GLYR1: variants seen among roughly 807,000 people sequenced by gnomAD.
GLYR1 encodes glyoxylate reductase 1 homolog, also known as cytokine-like nuclear factor N-PAC.
In GLYR1, 21 loss-of-function variants were observed where a neutral mutation model predicts 72.7. That is an observed-to-expected ratio of 0.29 (90% CI 0.20 to 0.42). GLYR1 has a LOEUF of 0.42. GLYR1 is among the 10% of genes least tolerant of loss of function. The pLI, the probability that GLYR1 is intolerant of heterozygous loss-of-function variation, is 1.00. For missense variants in GLYR1, 594 were observed against 712.1 expected, an observed-to-expected ratio of 0.83 and a Z score of 1.89; for synonymous variants, 392 against 270.2, an observed-to-expected ratio of 1.45 and a Z score of -4.42.
At chr16:4,805,355 T>C in intron 15 of GLYR1, 45 bp from the exon 16 acceptor site, 1 of 1,532,108 alleles carries the variant, frequency 6.5e-7, no homozygotes, top group African/African-American at 1.4e-5. Flanking sequence ...CAGAGCTGCC[T>C]TCAAGACCTA....
intron 10 of GLYR1, among the ~76,000 whole-genome samples, chr16:4,817,220 T>C (rs373061180): frequency 1.3e-5 from 2 of 151,394 alleles, no homozygotes; most frequent in Non-Finnish European, 2.9e-5. Context: ...CCCGGGTTCA[T>C]GCCATTCTCC....
intron 6 of GLYR1, among the ~76,000 whole-genome samples, chr16:4,823,257 T>A (rs1057443330): frequency 2.0e-5 from 3 of 152,248 alleles, no homozygotes; most frequent in Non-Finnish European, 2.9e-5. Context: ...GCACAGCAGA[T>A]AACCCAGCAA....
chr16:4,819,214 T>C (rs892574535), intron 9 of GLYR1, among the ~76,000 whole-genome samples: 4 of 152,220 alleles, frequency 2.6e-5, no homozygotes, highest in African/African-American at 9.6e-5. Context: ...GGTCTTGCTA[T>C]GTTGGCTAGG....
chr16:4,804,970 T>TGTGTGTGTGTGTGA lies in GLYR1; in HGVS notation c.*265_*266insTCACACACACACAC. Reference sequence around the variant, plus strand: ...GTGTGTGTGTGTGTGTGTGTGTGTGTGAACACACAGCCACCTCGTCCGGGG... The same window carrying TGTGTGTGTGTGTGA: ...GTGTGTGTGTGTGTGTGTGTGTGTGTGTGTGTGTGTGTGAGAACACACAGCCACCTCGTCCGGGG... On this transcript the variant is annotated 3_prime_UTR_variant, in exon 16 of 16. Coordinates refer to ENST00000321919, the MANE Select transcript of GLYR1 (RefSeq NM_032569.4). 2 of 526,300 alleles carry TGTGTGTGTGTGTGA rather than the reference T, an allele frequency of 3.8e-6. No homozygotes were observed. Among genetic ancestry groups the TGTGTGTGTGTGTGA allele is most frequent in the South Asian group, 2.1e-5 (1 of 48,334 alleles). The allele number at this position is 526,300 out of a possible 1,614,324, so 32.6% of individuals were successfully genotyped here.
intron 3 of GLYR1, among the ~76,000 whole-genome samples, chr16:4,844,873 G>C (rs1464305693): frequency 6.6e-6 from 1 of 152,188 alleles, no homozygotes; most frequent in African/African-American, 2.4e-5. Flanking sequence ...GCCTGACTTA[G>C]TTATAGACCT....
At position 4,835,269 on chromosome 16, in the gene GLYR1, G is replaced by T. The variant is rs569236456; in HGVS notation, c.156-2357C>A. On this transcript the variant is annotated intron_variant, in intron 3 of 15. Transcript: ENST00000321919. ...GGAACAGAAAGGTGAGGATGTCTGT[G>T]AAGTGCCAAGGAATCAACCCCATTT... 2.0e-5 allele frequency among the ~76,000 whole-genome samples: 3 copies of T among 152,254 alleles called. No homozygotes were observed. In the East Asian group the frequency reaches 5.8e-4, roughly 29 times the overall value.
At chr16:4,807,722 A>C (rs2083074668) in intron 15 of GLYR1, among the ~76,000 whole-genome samples, 1 of 152,186 alleles carries the variant, frequency 6.6e-6, no homozygotes, top group Admixed American at 6.5e-5. Flanking sequence ...CTTCAAAGAG[A>C]AGCTTTCCCA....
At chr16:4,832,595 T>C (rs2084870047) in intron 4 of GLYR1, 179 bp downstream of exon 4, 1 of 739,976 alleles carries the variant, frequency 1.4e-6, no homozygotes, top group South Asian at 2.2e-5. Flanking sequence ...TCCAGAAAGG[T>C]TAGCTGCATG....
chr16:4,832,404 A>C (rs981250846), intron 4 of GLYR1, 183 bp from the exon 5 acceptor site: 1 of 717,708 alleles, frequency 1.4e-6, no homozygotes, highest in Non-Finnish European at 2.2e-6. Context: ...TATATATATC[A>C]AAAGTCACTT....
chr16:4,819,167 TTTTATTTA>T (rs770979178), intron 9 of GLYR1, among the ~76,000 whole-genome samples: 1 of 151,978 alleles, frequency 6.6e-6, no homozygotes, highest in Non-Finnish European at 1.5e-5. Context: ...AGTTTTTAAT[TTTTATTTA>T]TTTATTTATT....
Position 4,818,179 on chromosome 16 carries a change from G to C in GLYR1, c.807-482C>G, listed in dbSNP as rs1205545768. Among the ~76,000 whole-genome samples the C allele has an allele frequency of 2.6e-5, 4 of 152,134 alleles. No individual in the cohort carries two copies. The East Asian group carries it at 7.7e-4, about 29-fold the overall frequency. On this transcript the variant is annotated intron_variant, in intron 9 of 15. Coordinates refer to ENST00000321919, the MANE Select transcript of GLYR1 (RefSeq NM_032569.4). ...CCAGCTAATTTTTGTATTTTTAGTA[G>C]AGACAGGGTTTCACCATGTTGGCCA...
intron 3 of GLYR1, chr16:4,843,388 C>G (rs112453385): frequency 8.6e-6 from 8 of 928,728 alleles, no homozygotes; most frequent in African/African-American, 5.3e-5. Context: ...CTCATGACCT[C>G]CAGTGATCCA....
chr16:4,816,983 T>G (rs1468476063), intron 10 of GLYR1, among the ~76,000 whole-genome samples: 3 of 150,604 alleles, frequency 2.0e-5, no homozygotes, highest in Non-Finnish European at 1.5e-5. Context: ...CTTGTTCTGT[T>G]GCCAGGCTGG....
intron 3 of GLYR1, among the ~76,000 whole-genome samples, chr16:4,842,209 A>G (rs927462823): frequency 2.0e-5 from 3 of 150,604 alleles, no homozygotes; most frequent in Non-Finnish European, 4.4e-5. Flanking sequence ...GCGCCACTGC[A>G]CTCCAGCCTG....
chr16:4,806,714 T>G (rs1314822557), intron 15 of GLYR1, among the ~76,000 whole-genome samples: 1 of 152,008 alleles, frequency 6.6e-6, no homozygotes, highest in African/African-American at 2.4e-5. Context: ...TCTTAAGGAT[T>G]TATACCGCAA....
intron 3 of GLYR1, chr16:4,839,918 C>T (rs866157972): frequency 2.0e-5 from 3 of 152,148 alleles, no homozygotes; most frequent in South Asian, 2.1e-4. Context: ...TTCTCAGGAA[C>T]GGAGGACACT....
At position 4,817,650 on chromosome 16, in the gene GLYR1, T is replaced by C. The variant is rs201801744; in HGVS notation, c.854A>G (p.Asn285Ser). Reference protein sequence around the residue: ...LGLMGSGIVSNLLKMGHTVTV... With the variant: ...LGLMGSGIVSSLLKMGHTVTV... ...CACTGTGTGACCCATTTTTAGCAAG[T>C]TGGAGACGATTCCACTTCCCATGAG... Residue 285 changes from asparagine (N) to serine (S), a missense_variant, in exon 10 of 16, where the codon AAC becomes AGC. Transcript: ENST00000321919. 57 of 1,613,812 alleles carry C rather than the reference T, an allele frequency of 3.5e-5. No homozygotes were observed. Among genetic ancestry groups the C allele is most frequent in the Non-Finnish European group, 4.5e-5 (53 of 1,179,744 alleles).
intron 1 of GLYR1, 65 bp downstream of exon 1, chr16:4,847,163 C>A: frequency 1.3e-6 from 2 of 1,484,204 alleles, no homozygotes; most frequent in Admixed American, 1.9e-5. Flanking sequence ...GGGCCGGCAG[C>A]GAACCCCGCG....
chr16:4,844,113 CAAAAAAAAAAAA>C (rs1190119741), intron 3 of GLYR1, among the ~76,000 whole-genome samples: 2 of 69,220 alleles, frequency 2.9e-5, no homozygotes, highest in East Asian at 1.2e-3. Context: ...AACTCCATCT[CAAAAAAAAAAAA>C]AAAAAAAAAT....
Sources: gnomAD v4.1 joint callset for allele counts (sites outside exome capture counted in the v4.1 genomes callset) on GRCh38, gnomAD v4.1.1 for gene constraint, MANE v1.5 for transcripts, NCBI Gene and HGNC (gene_info 2026-07-23, HGNC 2026-07-21) for gene names.